ARHGAP45: variants seen among roughly 807,000 people sequenced by gnomAD.
ARHGAP45 encodes Rho GTPase activating protein 45, also known as rho GTPase-activating protein 45.
A neutral mutation model predicts 116.1 loss-of-function variants in ARHGAP45; 56 were observed. The observed-to-expected ratio is 0.48, with a 90% CI of 0.39 to 0.60. The LOEUF (loss-of-function observed/expected upper bound fraction) is 0.60. ARHGAP45 is among the 20% of genes least tolerant of loss of function. The probability of loss-of-function intolerance (pLI) is 0.00; values close to 1 mark genes in which losing one functional copy is unlikely to be tolerated. For missense variants in ARHGAP45, 1,622 were observed against 1,601.0 expected, an observed-to-expected ratio of 1.01 and a Z score of -0.22; for synonymous variants, 866 against 701.7, an observed-to-expected ratio of 1.23 and a Z score of -3.70.
Position 1,083,373 on chromosome 19 carries a change from CG to C in ARHGAP45, c.2955+24del. 6.5e-7 allele frequency: 1 copy of C among 1,535,234 alleles called. No homozygotes were observed. Among genetic ancestry groups the C allele is most frequent in the Non-Finnish European group, 8.7e-7 (1 of 1,144,016 alleles). ...GGCCAGGTGAGGGTGTGGGCCTGAC[CG>C]GGGCTGGCCACTCGGGGCTTGGGGA... is the stretch of plus-strand genomic sequence containing the variant. On this transcript the variant is annotated intron_variant, in intron 21 of 22. Transcript: ENST00000313093.
chr19:1,071,089 C>A lies in ARHGAP45; in HGVS notation c.422-2060C>A, dbSNP rs1004230951. On this transcript the variant is annotated intron_variant, in intron 2 of 22. Transcript: ENST00000313093. The surrounding 1 kb of genome is among the most constrained non-coding windows in gnomAD (Gnocchi z 4.6). ...TCAGGTCTGGGCCTCAGTTTCCCTG[C>A]CCGTCCTCGACCCTCCCCACCTCGA... 8 of 941,180 alleles carry A rather than the reference C, an allele frequency of 8.5e-6. No homozygotes were observed. Among genetic ancestry groups the A allele is most frequent in the South Asian group, 4.2e-5 (2 of 47,096 alleles). 58.3% of individuals were successfully genotyped at this position (941,180 alleles called of 1,614,324 possible). A position where few individuals can be genotyped will look rare whatever the true frequency, so the allele number is the denominator to read the frequency against.
At chr19:1,078,365 G>C (rs943178521) in intron 11 of ARHGAP45, among the ~76,000 whole-genome samples, 2 of 152,006 alleles carry the variant, frequency 1.3e-5, no homozygotes, top group South Asian at 4.2e-4. Context: ...GGATGGTCTC[G>C]ATCTCCTGAC....
chr19:1,081,770 G>A (rs946390822), intron 18 of ARHGAP45, 32 bp downstream of exon 18: 1 of 1,565,748 alleles, frequency 6.4e-7, no homozygotes, highest in South Asian at 1.1e-5. Flanking sequence ...CTCACAGCGA[G>A]GAGGCGGGAG....
chr19:1,082,598 G>A (rs1364677938), intron 19 of ARHGAP45: 7 of 530,144 alleles, frequency 1.3e-5, no homozygotes, highest in Non-Finnish European at 2.3e-5. Flanking sequence ...TAGGGTACCT[G>A]CAGGGCGGGG....
rs368814469 is a variant in ARHGAP45 at position 1,077,976 on chromosome 19, G to T, written c.1305G>T (p.Pro435=). ...AGGAGGAGCAGGCTGGCAGCGCGCC[G>T]GGAGCAGGCAGCACGGCCACCAAGA... ...KAEEEQAGSA[P]GAGSTATKTL... Residue 435 remains proline, a synonymous_variant, in exon 11 of 23, where the codon CCG becomes CCT. Coordinates refer to ENST00000313093, the MANE Select transcript of ARHGAP45 (RefSeq NM_012292.5). The T allele has an allele frequency of 1.0e-5, 16 of 1,553,796 alleles. No individual in the cohort carries two copies. The highest frequency in any genetic ancestry group is 1.3e-5 in the Non-Finnish European group (15 of 1,148,174).
chr19:1,085,533 T>TCTCTCCTGTCTCTCCCC, intron 22 of ARHGAP45, 127 bp from the exon 23 acceptor site: 1 of 655,412 alleles, frequency 1.5e-6, no homozygotes, highest in Non-Finnish European at 2.5e-6. Context: ...TCTCTCCCCA[T>TCTCTCCTGTCTCTCCCC]CTCTCCTGTC....
Position 1,080,935 on chromosome 19 carries a change from C to T in ARHGAP45, c.2061C>T (p.Pro687=). Residue 687 remains proline, a synonymous_variant, in exon 17 of 23, where the codon CCC becomes CCT. Coordinates refer to ENST00000313093, the MANE Select transcript of ARHGAP45 (RefSeq NM_012292.5). ...CCCCCGAGCTGCCGGTGGCCGTGCC[C>T]AGTGGACCGTTCCGCCACGAGGGGC... ...GMTPELPVAV[P]SGPFRHEGLS... 6.2e-7 allele frequency: 1 copy of T among 1,609,940 alleles called. No individual in the cohort carries two copies. Among genetic ancestry groups the T allele is most frequent in the Non-Finnish European group, 8.5e-7 (1 of 1,178,622 alleles).
chr19:1,067,735 CCAGGGAG>C lies in ARHGAP45; in HGVS notation c.90+245_90+251del, dbSNP rs2043065773. On this transcript the variant is annotated intron_variant, in intron 1 of 22. Coordinates refer to ENST00000313093, the MANE Select transcript of ARHGAP45 (RefSeq NM_012292.5). ...CTCCATCCAGGGCTGGCCGCGGGGC[CCAGGGAG>C]CAGGAAGGGAGGGTGCCGGGTTGGG... 7.3e-6 allele frequency: 5 copies of C among 682,844 alleles called. No homozygotes were observed. In the South Asian group the frequency reaches 7.6e-5, roughly 10 times the overall value. 42.3% of individuals were successfully genotyped at this position (682,844 alleles called of 1,614,324 possible). A position where few individuals can be genotyped will look rare whatever the true frequency, so the allele number is the denominator to read the frequency against.
At chr19:1,072,841 T>C (rs1030202916) in intron 2 of ARHGAP45, among the ~76,000 whole-genome samples, 1 of 152,110 alleles carries the variant, frequency 6.6e-6, no homozygotes, top group Non-Finnish European at 1.5e-5. Context: ...GTGGGCTGCA[T>C]GGAGGAAGGG....
intron 19 of ARHGAP45, 73 bp from the exon 20 acceptor site, chr19:1,082,767 C>G (rs1420499824): frequency 7.7e-7 from 1 of 1,300,910 alleles, no homozygotes; most frequent in Admixed American, 3.0e-5. Flanking sequence ...GGGGCTGAGG[C>G]TGGGGGCGTG....
chr19:1,073,625 G>C, intron 4 of ARHGAP45, 35 bp downstream of exon 4: 1 of 1,612,622 alleles, frequency 6.2e-7, no homozygotes, highest in Non-Finnish European at 8.5e-7. Flanking sequence ...GGGCAAGGGA[G>C]CGTGGGGGGC....
In ARHGAP45 at chr19:1,080,059, G is replaced by T. The variant is rs1339949752; in HGVS notation, c.1644G>T (p.Gln548His). 2 of 1,612,638 alleles carry T rather than the reference G, an allele frequency of 1.2e-6. No homozygotes were observed. Among genetic ancestry groups the T allele is most frequent in the African/African-American group, 2.7e-5 (2 of 74,936 alleles). ...QQYASHVRQL[Q>H]RDQEPDVHYD... Reference sequence around the variant, plus strand: ...ACGCCTCCCACGTGCGCCAGCTGCAGCGGGACCAGGAGCCCGATGTGCACT... The same window carrying T: ...ACGCCTCCCACGTGCGCCAGCTGCATCGGGACCAGGAGCCCGATGTGCACT... The change falls in exon 13 of 23, where the codon CAG becomes CAT. Residue 548 changes from glutamine (Q) to histidine (H), a missense_variant. Gln to His is a conservative substitution (Grantham distance 24). Coordinates refer to ENST00000313093, the MANE Select transcript of ARHGAP45 (RefSeq NM_012292.5).
chr19:1,081,766 G>A (rs775382440), intron 18 of ARHGAP45, 28 bp downstream of exon 18: 11 of 1,562,332 alleles, frequency 7.0e-6, no homozygotes, highest in Non-Finnish European at 9.5e-6. Context: ...GCGGCTCACA[G>A]CGAGGAGGCG....
Position 1,080,971 on chromosome 19 carries a change from G to A in ARHGAP45, c.2097G>A (p.Ala699=), listed in dbSNP as rs747616734. Reference sequence around the variant, plus strand: ...TCCGCCACGAGGGGCTGTCCAAGGCGGCCCGTACTCACCGGCTCCGGAAGC... The same window carrying A: ...TCCGCCACGAGGGGCTGTCCAAGGCAGCCCGTACTCACCGGCTCCGGAAGC... The part of the protein sequence containing the change: ...GPFRHEGLSK[A]ARTHRLRKLR... Residue 699 remains alanine, a synonymous_variant, in exon 17 of 23, where the codon GCG becomes GCA. Coordinates refer to ENST00000313093, the MANE Select transcript of ARHGAP45 (RefSeq NM_012292.5). 3 of 1,608,232 alleles carry A rather than the reference G, an allele frequency of 1.9e-6. No homozygotes were observed. Among genetic ancestry groups the A allele is most frequent in the South Asian group, 1.1e-5 (1 of 90,378 alleles).
upstream of ARHGAP45, chr19:1,066,467 G>A: frequency 2.3e-6 from 1 of 439,928 alleles, no homozygotes; most frequent in African/African-American, 2.0e-5. Context: ...CTAAGGGCAG[G>A]TCTGGGGCAA....
At chr19:1,078,364 C>T (rs113533221) in intron 11 of ARHGAP45, among the ~76,000 whole-genome samples, 59,832 of 151,560 alleles carry the variant, frequency 0.39, 11,981 homozygotes, top group African/African-American at 0.47. Flanking sequence ...AGGATGGTCT[C>T]GATCTCCTGA....
intron 6 of ARHGAP45, 34 bp from the exon 7 acceptor site, chr19:1,074,070 C>T (rs747509172): frequency 6.8e-6 from 11 of 1,605,890 alleles, no homozygotes; most frequent in Non-Finnish European, 9.4e-6. Flanking sequence ...TTGCGCGGGT[C>T]GGGCCAGGCT....
intron 10 of ARHGAP45, 138 bp downstream of exon 10, chr19:1,075,017 A>T: frequency 3.5e-6 from 2 of 569,464 alleles, no homozygotes; most frequent in Non-Finnish European, 2.4e-6. Context: ...GCGGCCTCGC[A>T]GGCTGGGCCG....
Position 1,068,323 on chromosome 19 carries a change from C to A in ARHGAP45, c.91-91C>A. The stretch of plus-strand genomic sequence containing the variant: ...CCCTGTGGGGTCAGGGTGATGGTGG[C>A]CCTCCACAGCCCCACTTCATTTCTG... On this transcript the variant is annotated intron_variant, in intron 1 of 22. Transcript: ENST00000313093. The surrounding 1 kb of genome is among the most constrained non-coding windows in gnomAD (Gnocchi z 7.5). 8.5e-7 allele frequency: 1 copy of A among 1,172,900 alleles called. No individual in the cohort carries two copies. Among genetic ancestry groups the A allele is most frequent in the Admixed American group, 2.8e-5 (1 of 35,816 alleles). 72.7% of individuals were successfully genotyped at this position (1,172,900 alleles called of 1,614,324 possible).
Sources: gnomAD v4.1 joint callset for allele counts (sites outside exome capture counted in the v4.1 genomes callset) on GRCh38, gnomAD v4.1.1 for gene constraint, Gnocchi (gnomAD v3.1) non-coding constraint, MANE v1.5 for transcripts, NCBI Gene and HGNC (gene_info 2026-07-23, HGNC 2026-07-21) for gene names.